PRTFDC1: variants seen among roughly 807,000 people sequenced by gnomAD.
PRTFDC1 encodes phosphoribosyl transferase domain containing 1.
A neutral mutation model predicts 34.6 loss-of-function variants in PRTFDC1; 38 were observed. That is an observed-to-expected ratio of 1.10 (90% CI 0.85 to 1.44). The LOEUF (loss-of-function observed/expected upper bound fraction) is 1.44. PRTFDC1 is among the 40% of genes most tolerant of loss of function. PRTFDC1 has a pLI of 0.00. For synonymous variants in PRTFDC1, 93 were observed against 98.1 expected, an observed-to-expected ratio of 0.95 and a Z score of 0.31; for missense variants, 270 against 283.0, an observed-to-expected ratio of 0.95 and a Z score of 0.33.
Position 24,851,418 on chromosome 10 carries a change from T to C in PRTFDC1, c.600A>G (p.Leu200=), listed in dbSNP as rs1285419120. Residue 200 remains leucine (L), a synonymous_variant, in exon 8 of 9, where the codon TTA becomes TTG. Coordinates refer to ENST00000320152, the MANE Select transcript of PRTFDC1 (RefSeq NM_020200.7). ...IPNLFVVGYA[L]DYNEYFRDLN... is the part of the protein sequence containing the mutation. The stretch of plus-strand genomic sequence containing the variant: ...GATCTCTGAAGTATTCATTGTAATC[T>C]AAGGCATATCCCACCACAAATAAGT... 3 of 1,612,662 alleles carry C rather than the reference T, an allele frequency of 1.9e-6. No individual in the cohort carries two copies. The highest frequency in any genetic ancestry group is 2.2e-5 in the South Asian group (2 of 90,872).
intron 3 of PRTFDC1, among the ~76,000 whole-genome samples, chr10:24,895,922 T>C (rs1226064950): frequency 1.3e-5 from 2 of 151,916 alleles, no homozygotes; most frequent in Non-Finnish European, 2.9e-5. Flanking sequence ...AACGCATATT[T>C]AATCTAAAAA....
intron 3 of PRTFDC1, among the ~76,000 whole-genome samples, chr10:24,921,120 A>G (rs1428098314): frequency 6.6e-6 from 1 of 152,206 alleles, no homozygotes; most frequent in African/African-American, 2.4e-5. Context: ...AACAAAAAAC[A>G]AAGGTGTCAT....
At chr10:24,878,955 T>C (rs1848018219) in intron 3 of PRTFDC1, among the ~76,000 whole-genome samples, 1 of 152,194 alleles carries the variant, frequency 6.6e-6, no homozygotes. Flanking sequence ...ATCCTTCCTC[T>C]CAGCTATTCT....
intron 3 of PRTFDC1, among the ~76,000 whole-genome samples, chr10:24,917,469 C>A (rs918121529): frequency 1.3e-5 from 2 of 152,106 alleles, no homozygotes; most frequent in African/African-American, 4.8e-5. Context: ...TTAGAGATAC[C>A]AAGATTTTAT....
At chr10:24,936,509 C>T (rs747718664) in intron 3 of PRTFDC1, among the ~76,000 whole-genome samples, 1 of 152,182 alleles carries the variant, frequency 6.6e-6, no homozygotes, top group Non-Finnish European at 1.5e-5. Context: ...TGGTCTCGAA[C>T]TCCTGGCTTC....
At chr10:24,946,774 TTA>T (rs1849256427) in intron 1 of PRTFDC1, among the ~76,000 whole-genome samples, 1 of 152,224 alleles carries the variant, frequency 6.6e-6, no homozygotes, top group Non-Finnish European at 1.5e-5. Flanking sequence ...TAACAACAAA[TTA>T]TATGTTTTAA....
chr10:24,879,960 G>C (rs550223155), intron 3 of PRTFDC1, among the ~76,000 whole-genome samples: 12 of 152,272 alleles, frequency 7.9e-5, no homozygotes, highest in African/African-American at 2.9e-4. Flanking sequence ...TGGAGACCAA[G>C]CGAACAGGCA....
At chr10:24,945,520 T>C (rs775021685) in intron 1 of PRTFDC1, among the ~76,000 whole-genome samples, 1 of 152,180 alleles carries the variant, frequency 6.6e-6, no homozygotes, top group Non-Finnish European at 1.5e-5. Context: ...AGTACCACAA[T>C]CATAGCTCAC....
At chr10:24,882,152 A>G (rs1848088458) in intron 3 of PRTFDC1, among the ~76,000 whole-genome samples, 1 of 148,540 alleles carries the variant, frequency 6.7e-6, no homozygotes, top group Non-Finnish European at 1.5e-5. Flanking sequence ...GGTTGCAGTG[A>G]GTCGAGATCT....
intron 3 of PRTFDC1, among the ~76,000 whole-genome samples, chr10:24,885,002 C>G (rs1173302088): frequency 6.6e-6 from 1 of 152,238 alleles, no homozygotes; most frequent in Non-Finnish European, 1.5e-5. Flanking sequence ...GGGGCCCTGT[C>G]TTCAACTCAT....
At chr10:24,944,571 C>T (rs945587624) in intron 1 of PRTFDC1, among the ~76,000 whole-genome samples, 2 of 152,052 alleles carry the variant, frequency 1.3e-5, no homozygotes, top group African/African-American at 4.8e-5. Flanking sequence ...CCTCTTGAGG[C>T]GAGGAGTTAG....
intron 1 of PRTFDC1, among the ~76,000 whole-genome samples, chr10:24,948,356 T>A (rs561351485): frequency 6.6e-6 from 1 of 152,270 alleles, no homozygotes; most frequent in South Asian, 2.1e-4. Flanking sequence ...AAGATCTTTA[T>A]CTCTCCCTGA....
intron 3 of PRTFDC1, among the ~76,000 whole-genome samples, chr10:24,885,049 G>A (rs753060310): frequency 9.2e-5 from 14 of 152,260 alleles, no homozygotes; most frequent in Non-Finnish European, 1.9e-4. Context: ...GTCTGCCTGG[G>A]CTTGCAGCCT....
At chr10:24,855,686 T>C (rs1847561280) in intron 6 of PRTFDC1, among the ~76,000 whole-genome samples, 1 of 152,086 alleles carries the variant, frequency 6.6e-6, no homozygotes, top group African/African-American at 2.4e-5. Context: ...TCCCAGCTAC[T>C]TGGGAGGCTG....
intron 3 of PRTFDC1, chr10:24,908,849 C>G (rs892750103): frequency 8.7e-7 from 1 of 1,151,976 alleles, no homozygotes; most frequent in Non-Finnish European, 1.2e-6. Flanking sequence ...CCAGCCACCT[C>G]AAGAAAACCA....
At chr10:24,912,727 T>G (rs75802036) in intron 3 of PRTFDC1, among the ~76,000 whole-genome samples, 1 of 152,134 alleles carries the variant, frequency 6.6e-6, no homozygotes, top group African/African-American at 2.4e-5. Flanking sequence ...CATTCTCTTT[T>G]ACCTCATATC....
intron 7 of PRTFDC1, among the ~76,000 whole-genome samples, chr10:24,854,852 T>C (rs1032949065): frequency 2.0e-5 from 3 of 152,190 alleles, no homozygotes; most frequent in African/African-American, 7.2e-5. Context: ...AGGTCACCAT[T>C]GTGCGTTGTC....
At chr10:24,856,663 C>T (rs1312654549) in intron 6 of PRTFDC1, among the ~76,000 whole-genome samples, 4 of 152,110 alleles carry the variant, frequency 2.6e-5, no homozygotes, top group Non-Finnish European at 5.9e-5. Context: ...TCCAGCTGCT[C>T]CTGGAAACAG....
chr10:24,863,181 G>A (rs957070477), intron 4 of PRTFDC1, among the ~76,000 whole-genome samples: 2 of 152,008 alleles, frequency 1.3e-5, no homozygotes, highest in Non-Finnish European at 2.9e-5. Context: ...ACGCCCCCTA[G>A]ACTGACTCCT....
Sources: allele counts gnomAD v4.1 joint callset (sites outside exome capture counted in the v4.1 genomes callset), GRCh38; gene constraint gnomAD v4.1.1; transcripts MANE v1.5; gene names NCBI Gene and HGNC (gene_info 2026-07-23, HGNC 2026-07-21).